DIAPH2: variants seen among roughly 807,000 people sequenced by gnomAD.
The protein encoded by DIAPH2 is diaphanous related formin 2, also known as protein diaphanous homolog 2.
A neutral mutation model predicts 92.7 loss-of-function variants in DIAPH2; 35 were observed. The observed-to-expected ratio is 0.38, with a 90% CI of 0.29 to 0.50. The LOEUF (loss-of-function observed/expected upper bound fraction) is 0.50. Among genes scored for constraint, DIAPH2 ranks in the 20% least tolerant of loss-of-function variants. DIAPH2 has a pLI of 0.94. For missense variants in DIAPH2, 701 were observed against 819.5 expected (o/e 0.86, Z 1.77); for synonymous variants, 301 against 280.4 (o/e 1.07, Z -0.73).
chrX:97,443,864 T>A (rs763885469), intron 26 of DIAPH2, among the ~76,000 whole-genome samples: 1 of 112,166 alleles, frequency 8.9e-6, no homozygotes, highest in Non-Finnish European at 1.9e-5. Context: ...AGAGGGCAAA[T>A]TCCTAAATAC....
chrX:97,595,740 C>T (rs2071546922), intron 26 of DIAPH2, among the ~76,000 whole-genome samples: 1 of 111,153 alleles, frequency 9.0e-6, no homozygotes, highest in Non-Finnish European at 1.9e-5. Context: ...TTAAGTGATT[C>T]TCCTGCCTCA....
At chrX:97,059,462 T>C (rs1361633322) in intron 17 of DIAPH2, among the ~76,000 whole-genome samples, 1 of 111,084 alleles carries the variant, frequency 9.0e-6, no homozygotes, top group Non-Finnish European at 1.9e-5. Context: ...AGTTGACCCT[T>C]GAGTAACATG....
intron 26 of DIAPH2, among the ~76,000 whole-genome samples, chrX:97,536,558 T>G (rs2071097537): frequency 1.8e-5 from 2 of 112,249 alleles, no homozygotes; most frequent in Non-Finnish European, 3.8e-5. Flanking sequence ...GTATATCAAA[T>G]TACCAATGTC....
chrX:97,082,228 G>A (rs191599383), intron 19 of DIAPH2, among the ~76,000 whole-genome samples: 89 of 110,575 alleles, frequency 8.0e-4, no homozygotes, highest in African/African-American at 2.9e-3. Flanking sequence ...TTTAAACCAT[G>A]GTAGAACTTC....
Position 96,957,910 on chromosome X carries a change from C to A in DIAPH2, c.1697C>A (p.Pro566Gln). 8.3e-7 allele frequency: 1 copy of A among 1,210,642 alleles called. No individual in the cohort carries two copies. Among genetic ancestry groups the A allele is most frequent in the African/African-American group, 1.7e-5 (1 of 57,540 alleles). The change falls in exon 16 of 27, where the codon CCA becomes CAA. Residue 566 changes from proline to glutamine, a missense_variant. By Grantham distance (76) the Pro-to-Gln change is moderately conservative. Around this residue, in one of 3 missense-constraint regions of DIAPH2, gnomAD observed 536 missense variants for 599.3 expected, o/e 0.89. Transcript: ENST00000324765. Reference sequence around the variant, plus strand: ...CCAGGTGTAGGGCCGCCTCCACCACCACCCGCGCCACCTCTACCCGGAGGA... The same window carrying A: ...CCAGGTGTAGGGCCGCCTCCACCACAACCCGCGCCACCTCTACCCGGAGGA... Reference protein sequence around the residue: ...PLPGVGPPPPPPAPPLPGGAP... With the variant: ...PLPGVGPPPPQPAPPLPGGAP...
intron 4 of DIAPH2, among the ~76,000 whole-genome samples, chrX:96,817,335 G>A (rs1021728141): frequency 2.3e-4 from 25 of 110,532 alleles, no homozygotes; most frequent in Admixed American, 1.9e-4. Flanking sequence ...ATCTCATGTA[G>A]CTCATAAATA....
At chrX:97,135,076 A>G (rs1156321756) in intron 21 of DIAPH2, among the ~76,000 whole-genome samples, 1 of 112,150 alleles carries the variant, frequency 8.9e-6, no homozygotes, top group African/African-American at 3.2e-5. Flanking sequence ...TAAGCAGTTC[A>G]CAATCTGGTG....
At position 97,493,863 on chromosome X, in the gene DIAPH2, G is replaced by A. The variant is rs1355314901; in HGVS notation, c.3241+64118G>A. ...GATTGTGCCACTGCACTCTAGTCTG[G>A]GTGACAGAGTGGGACTCCATCTCAA... On this transcript the variant is annotated intron_variant, in intron 26 of 26. Coordinates refer to ENST00000324765, the MANE Select transcript of DIAPH2 (RefSeq NM_006729.5). 4.6e-5 allele frequency among the ~76,000 whole-genome samples: 5 copies of A among 107,930 alleles called. No homozygotes were observed. In the Admixed American group the frequency reaches 5.0e-4, roughly 11 times the overall value. 93.7% of individuals were successfully genotyped at this position (107,930 alleles called of 115,157 possible).
chrX:96,945,913 T>G (rs1187367115), intron 14 of DIAPH2, among the ~76,000 whole-genome samples: 1 of 112,017 alleles, frequency 8.9e-6, no homozygotes, highest in Non-Finnish European at 1.9e-5. Flanking sequence ...TTTGCTTTCT[T>G]GCAGCTGTCG....
intron 17 of DIAPH2, among the ~76,000 whole-genome samples, chrX:97,018,785 G>T (rs1478433039): frequency 1.8e-5 from 2 of 111,306 alleles, no homozygotes; most frequent in Non-Finnish European, 3.8e-5. Flanking sequence ...AAAGTCCATA[G>T]TTCAGAGTTT....
intron 26 of DIAPH2, among the ~76,000 whole-genome samples, chrX:97,510,609 C>T (rs2070881117): frequency 9.8e-6 from 1 of 102,369 alleles, no homozygotes; most frequent in Non-Finnish European, 2.0e-5. Flanking sequence ...AATGGTAATG[C>T]CTAGGTTTTC....
chrX:97,438,365 T>G (rs1253010905), intron 26 of DIAPH2, among the ~76,000 whole-genome samples: 2 of 76,968 alleles, frequency 2.6e-5, no homozygotes, highest in Admixed American at 1.4e-4. Flanking sequence ...GTTTGTTTTT[T>G]TTTTTTTTTT....
At chrX:97,029,249 G>C (rs1453717429) in intron 17 of DIAPH2, among the ~76,000 whole-genome samples, 3 of 107,380 alleles carry the variant, frequency 2.8e-5, no homozygotes, top group African/African-American at 1.0e-4. Flanking sequence ...CCAGGCTCAA[G>C]TGATCCTCCC....
chrX:97,460,953 A>T (rs758182258), intron 26 of DIAPH2, among the ~76,000 whole-genome samples: 8 of 112,425 alleles, frequency 7.1e-5, no homozygotes, highest in African/African-American at 2.6e-4. Flanking sequence ...TTTGGATCTC[A>T]GTTAATTCAC....
chrX:96,724,890 A>G (rs753063980), intron 1 of DIAPH2, among the ~76,000 whole-genome samples: 8 of 111,930 alleles, frequency 7.1e-5, no homozygotes, highest in African/African-American at 9.7e-5. Context: ...GTTGCTTGTG[A>G]GTTTTCAGGC....
intron 26 of DIAPH2, among the ~76,000 whole-genome samples, chrX:97,464,060 G>A (rs1467092139): frequency 2.7e-5 from 3 of 110,228 alleles, no homozygotes; most frequent in Non-Finnish European, 3.8e-5. Context: ...GAGTGAAGGG[G>A]TATTTATTTA....
At chrX:97,266,957 A>G (rs1051638412) in intron 23 of DIAPH2, among the ~76,000 whole-genome samples, 1 of 111,753 alleles carries the variant, frequency 8.9e-6, no homozygotes, top group African/African-American at 3.2e-5. Context: ...ATTTTTTGAC[A>G]CATCCTTTAC....
intron 24 of DIAPH2, among the ~76,000 whole-genome samples, chrX:97,349,222 G>A (rs2069189314): frequency 9.2e-6 from 1 of 108,203 alleles, no homozygotes; most frequent in Non-Finnish European, 1.9e-5. Context: ...CCGAGTAGCT[G>A]GGATTACAGG....
At chrX:97,375,809 A>G (rs1193809170) in intron 24 of DIAPH2, among the ~76,000 whole-genome samples, 1 of 110,932 alleles carries the variant, frequency 9.0e-6, no homozygotes, top group African/African-American at 3.3e-5. Flanking sequence ...CCTATCTCCT[A>G]CTTGCAATCC....
Sources: allele counts gnomAD v4.1 joint callset (sites outside exome capture counted in the v4.1 genomes callset), GRCh38; gene constraint gnomAD v4.1.1; regional missense constraint gnomAD v4.1.1; transcripts MANE v1.5; gene names NCBI Gene and HGNC (gene_info 2026-07-23, HGNC 2026-07-21).